Variants in PPP1R3F observed in about 807,000 individuals in gnomAD.
PPP1R3F encodes the protein protein phosphatase 1 regulatory subunit 3F.
In PPP1R3F, 29 loss-of-function variants were observed where a neutral mutation model predicts 24.2. The ratio of observed to expected loss-of-function variants is 1.20; its 90% confidence interval spans 0.89 to 1.63. The LOEUF (loss-of-function observed/expected upper bound fraction) is 1.63. Ranked by LOEUF, PPP1R3F falls within the 40% of genes most tolerant of loss-of-function variation. The pLI, the probability that PPP1R3F is intolerant of heterozygous loss-of-function variation, is 0.00. For synonymous variants in PPP1R3F, 363 were observed against 340.1 expected, an observed-to-expected ratio of 1.07 and a Z score of -0.74; for missense variants, 823 against 729.3, an observed-to-expected ratio of 1.13 and a Z score of -1.48.
At chrX:49,299,792 G>C (rs1281473563) in intron 3 of PPP1R3F, among the ~76,000 whole-genome samples, 1 of 111,880 alleles carries the variant, frequency 8.9e-6, no homozygotes, top group Non-Finnish European at 1.9e-5. Context: ...GAACTTCCCG[G>C]AGGCTTTGTT....
intron 3 of PPP1R3F, among the ~76,000 whole-genome samples, chrX:49,299,552 G>A (rs908874487): frequency 1.1e-4 from 12 of 112,165 alleles, no homozygotes; most frequent in African/African-American, 2.9e-4. Context: ...TGGGAGATCC[G>A]CTGCTCTCTT....
At chrX:49,278,162 C>T (rs1482418987) in intron 1 of PPP1R3F, among the ~76,000 whole-genome samples, 1 of 112,090 alleles carries the variant, frequency 8.9e-6, no homozygotes, top group African/African-American at 3.3e-5. Context: ...CTAGCTGATT[C>T]CTGAGTGTTC....
chrX:49,271,687 T>C (rs1292689576), intron 1 of PPP1R3F, among the ~76,000 whole-genome samples: 2 of 113,071 alleles, frequency 1.8e-5, no homozygotes, highest in African/African-American at 6.4e-5. Context: ...CCTTGAAGCC[T>C]GTGCACTCTA....
intron 1 of PPP1R3F, among the ~76,000 whole-genome samples, chrX:49,272,060 G>T (rs2066183618): frequency 8.9e-6 from 1 of 112,401 alleles, no homozygotes; most frequent in Non-Finnish European, 1.9e-5. Context: ...ATGGAAATGG[G>T]AAAATGCTTT....
intron 3 of PPP1R3F, among the ~76,000 whole-genome samples, chrX:49,298,607 T>C (rs2066329623): frequency 8.9e-6 from 1 of 111,935 alleles, no homozygotes. Context: ...TGAAGGGTGT[T>C]ATCCAACTTG....
chrX:49,269,801 C>T lies in PPP1R3F; in HGVS notation c.-69C>T, dbSNP rs2066158019. 2 of 692,382 alleles carry T rather than the reference C, an allele frequency of 2.9e-6. No homozygotes were observed. Among genetic ancestry groups the T allele is most frequent in the East Asian group, 6.4e-5 (1 of 15,636 alleles). The allele number at this position is 692,382 out of a possible 1,213,427, so 57.1% of individuals were successfully genotyped here. On this transcript the variant is annotated 5_prime_UTR_variant, in exon 1 of 4. Transcript: ENST00000055335. ...TCCGCGCTGGCCTTCCCATTGGCTG[C>T]CCGCCCCTTCAGGCCCTGCCCCCGC...
At chrX:49,281,658 C>T (rs781951268) in intron 2 of PPP1R3F, among the ~76,000 whole-genome samples, 197 bp downstream of exon 2, 1 of 103,325 alleles carries the variant, frequency 9.7e-6, no homozygotes, top group Non-Finnish European at 2.0e-5. Context: ...AGTGAGACCT[C>T]ATCTCTTAAA....
chrX:49,278,470 T>C (rs891793685), intron 1 of PPP1R3F, among the ~76,000 whole-genome samples: 32 of 112,195 alleles, frequency 2.9e-4, no homozygotes, highest in Non-Finnish European at 3.8e-4. Context: ...ACGGAGGGGA[T>C]TGGTGTGAGA....
In PPP1R3F at chrX:49,301,406, C is replaced by T. The variant is rs781903696; in HGVS notation, c.449C>T (p.Pro150Leu). The change falls in exon 4 of 4, where the codon CCT becomes CTT. Residue 150 changes from proline to leucine, a missense_variant. By Grantham distance (98) the Pro-to-Leu change is moderately conservative (BLOSUM62 -3). Transcript: ENST00000471261. ...CAAGCTGAAATGATGCAGGCTGCTC[C>T]TATGTTGGAAATTTGTTCATTAAAA... 14 of 631,797 alleles carry T rather than the reference C, an allele frequency of 2.2e-5. No homozygotes were observed. The African/African-American group carries it at 3.2e-4, about 14-fold the overall frequency. The allele number at this position is 631,797 out of a possible 1,213,427, so 52.1% of individuals were successfully genotyped here. A position where few individuals can be genotyped will look rare whatever the true frequency, so the allele number is the denominator to read the frequency against.
At chrX:49,290,410 C>T (rs2066305252), downstream of PPP1R3F, among the ~76,000 whole-genome samples, 1 of 111,252 alleles carries the variant, frequency 9.0e-6, no homozygotes, top group African/African-American at 3.3e-5. Flanking sequence ...TCCATCTCCC[C>T]TCAGGCCTCA....
Position 49,286,788 on chromosome X carries a change from C to T in PPP1R3F, c.2098C>T (p.Gln700Ter). ...GGAGCCAGCCTCTCCCGTCCTTCTG[C>T]AGGGGCAAAATCCCACCCTCCTCAG... The part of the protein sequence containing the change: ...GKEPASPVLL[Q>*]GQNPTLLSPL... Residue 700 changes from glutamine (Q) to a stop codon, truncating the protein, a stop_gained, in exon 4 of 4, where the codon CAG becomes TAG. Coordinates refer to ENST00000055335, the MANE Select transcript of PPP1R3F (RefSeq NM_033215.5). LOFTEE classifies it low-confidence loss of function (END_TRUNC). 1 of 1,204,180 alleles carries T rather than the reference C, an allele frequency of 8.3e-7. No individual in the cohort carries two copies. Among genetic ancestry groups the T allele is most frequent in the East Asian group, 3.0e-5 (1 of 33,635 alleles).
chrX:49,270,705 G>T lies in PPP1R3F; in HGVS notation c.836G>T (p.Arg279Leu). 3 of 1,208,283 alleles carry T rather than the reference G, an allele frequency of 2.5e-6. No homozygotes were observed. Among genetic ancestry groups the T allele is most frequent in the Non-Finnish European group, 3.4e-6 (3 of 893,851 alleles). ...EGTFWANNHG[R>L]NYTVLLRIAP... ...ACTTTCTGGGCCAACAACCACGGCC[G>T]CAACTACACAGTCCTGCTCCGGATC... is the stretch of plus-strand genomic sequence containing the variant. The change falls in exon 1 of 4, where the codon CGC (arginine) becomes CTC (leucine). Residue 279 changes from arginine to leucine, a missense_variant. By Grantham distance (102) the Arg-to-Leu change is moderately radical. Transcript: ENST00000055335.
chrX:49,286,193 T>C lies in PPP1R3F; in HGVS notation c.1503T>C (p.Ala501=). The change falls in exon 4 of 4, where the codon GCT becomes GCC. Residue 501 remains alanine (A), a synonymous_variant. Coordinates refer to ENST00000055335, the MANE Select transcript of PPP1R3F (RefSeq NM_033215.5). ...TGTCTCACCTGAGCCGCCTACGGGCTGCTGTGGCTGCGGGTGGGGCAGGGG... is the reference window on the plus strand; with the variant it reads ...TGTCTCACCTGAGCCGCCTACGGGCCGCTGTGGCTGCGGGTGGGGCAGGGG... ...LYLSHLSRLR[A]AVAAGGAGGG... 8.5e-7 allele frequency: 1 copy of C among 1,171,133 alleles called. No homozygotes were observed. The highest frequency in any genetic ancestry group is 1.1e-6 in the Non-Finnish European group (1 of 873,894).
intron 1 of PPP1R3F, among the ~76,000 whole-genome samples, chrX:49,278,347 A>C (rs1386379644): frequency 8.0e-5 from 9 of 112,447 alleles, no homozygotes; most frequent in Non-Finnish European, 1.7e-4. Flanking sequence ...AGAAGATCCT[A>C]GGAGGAGGAT....
intron 1 of PPP1R3F, chrX:49,273,828 G>A (rs1426615519): frequency 8.9e-6 from 1 of 112,518 alleles, no homozygotes; most frequent in Non-Finnish European, 1.9e-5. Context: ...AGAAGTCCGT[G>A]GTAGCCATCA....
chrX:49,286,636 A>ACAC lies in PPP1R3F; in HGVS notation c.1949_1951dup (p.Thr650dup). 8.3e-7 allele frequency: 1 copy of ACAC among 1,210,827 alleles called. No homozygotes were observed. The highest frequency in any genetic ancestry group is 1.1e-6 in the Non-Finnish European group (1 of 894,901). ...GATCCTGAGAAAGGGATGGGCAAGG[A>ACAC]CACCAGCTCTTTGCACATGAATAGG... On this transcript the variant is annotated inframe_insertion, in exon 4 of 4. Transcript: ENST00000055335.
chrX:49,286,889 C>T lies in PPP1R3F; in HGVS notation c.2199C>T (p.Gly733=), dbSNP rs782535080. The T allele has an allele frequency of 2.5e-6, 3 of 1,193,322 alleles. No homozygotes were observed. Among genetic ancestry groups the T allele is most frequent in the South Asian group, 3.7e-5 (2 of 53,514 alleles). ...GCTCCCAGGATGAAAAGGATGCAGGCCCAAGCCTTGAACCCCCAAAGAAGT... is the reference window on the plus strand; with the variant it reads ...GCTCCCAGGATGAAAAGGATGCAGGTCCAAGCCTTGAACCCCCAAAGAAGT... ...HVSSQDEKDA[G]PSLEPPKKSP... Residue 733 remains glycine, a synonymous_variant, in exon 4 of 4, where the codon GGC becomes GGT. Coordinates refer to ENST00000055335, the MANE Select transcript of PPP1R3F (RefSeq NM_033215.5).
At position 49,281,422 on chromosome X, in the gene PPP1R3F, C is replaced by T; in HGVS notation, c.1021C>T (p.Leu341=). The T allele has an allele frequency of 8.3e-7, 1 of 1,208,765 alleles. No homozygotes were observed. Among genetic ancestry groups the T allele is most frequent in the Non-Finnish European group, 1.1e-6 (1 of 893,254 alleles). The stretch of plus-strand genomic sequence containing the variant: ...GCCCTGCAGGCCTGCCGAGGAGGAA[C>T]TGAAGACGAAGAACATGGATGATAA... The part of the protein sequence containing the change: ...PVRRRPAEEE[L]KTKNMDDNTF... The change falls in exon 2 of 4, where the codon CTG becomes TTG. Residue 341 remains leucine, a synonymous_variant. Transcript: ENST00000055335.
At chrX:49,300,807 T>G (rs2066335491) in intron 3 of PPP1R3F, among the ~76,000 whole-genome samples, 1 of 111,616 alleles carries the variant, frequency 9.0e-6, no homozygotes, top group African/African-American at 3.3e-5. Context: ...ATAGATTGTT[T>G]AGTTTCTATT....
Sources: gnomAD v4.1 joint callset for allele counts (sites outside exome capture counted in the v4.1 genomes callset) on GRCh38, gnomAD v4.1.1 for gene constraint, MANE v1.5 for transcripts, NCBI Gene and HGNC (gene_info 2026-07-23, HGNC 2026-07-21) for gene names.